Variants in BLOC1S5 observed in about 807,000 individuals in gnomAD.
BLOC1S5 encodes the protein biogenesis of lysosomal organelles complex 1 subunit 5.
Under a neutral mutation model 24.3 loss-of-function variants are expected in BLOC1S5, and 27 were observed. That is an observed-to-expected ratio of 1.11 (90% CI 0.82 to 1.53). The LOEUF is 1.53. Ranked by LOEUF, BLOC1S5 falls within the 40% of genes most tolerant of loss-of-function variation. The pLI is 0.00. For missense variants in BLOC1S5, 239 were observed against 229.4 expected, an observed-to-expected ratio of 1.04 and a Z score of -0.27; for synonymous variants, 84 against 74.5, an observed-to-expected ratio of 1.13 and a Z score of -0.66.
chr6:8,056,970 A>G (rs890923827), intron 2 of BLOC1S5, among the ~76,000 whole-genome samples: 1 of 152,174 alleles, frequency 6.6e-6, no homozygotes. Flanking sequence ...TAATCCCAGC[A>G]CTTTGGGAGG....
At position 8,022,647 on chromosome 6, in the gene BLOC1S5, G is replaced by C. The variant is rs1244882651; in HGVS notation, c.384+3720C>G. Among the ~76,000 whole-genome samples the C allele has an allele frequency of 3.7e-4, 49 of 131,450 alleles. 4 individuals carry two copies. The highest frequency in any genetic ancestry group is 1.5e-3 in the African/African-American group (46 of 30,168). 86.2% of individuals were successfully genotyped at this position (131,450 alleles called of 152,430 possible). A position where few individuals can be genotyped will look rare whatever the true frequency, so the allele number is the denominator to read the frequency against. Reference sequence around the variant, plus strand: ...TCGCCCAGGCTGGAGTGCAGTGGCGGGATCTCGGCTCACTGCAAGCTCCGC... The same window carrying C: ...TCGCCCAGGCTGGAGTGCAGTGGCGCGATCTCGGCTCACTGCAAGCTCCGC... On this transcript the variant is annotated intron_variant, in intron 4 of 4. Coordinates refer to ENST00000397457, the MANE Select transcript of BLOC1S5 (RefSeq NM_201280.3).
At chr6:8,029,056 T>C (rs1485149729) in intron 3 of BLOC1S5, among the ~76,000 whole-genome samples, 1 of 152,146 alleles carries the variant, frequency 6.6e-6, no homozygotes, top group Admixed American at 6.5e-5. Flanking sequence ...CAGTTAACAA[T>C]GTTCTATTTT....
intron 3 of BLOC1S5, among the ~76,000 whole-genome samples, chr6:8,035,315 CTATTAAAA>C (rs1369934616): frequency 6.1e-5 from 9 of 148,752 alleles, no homozygotes; most frequent in Non-Finnish European, 1.3e-4. Flanking sequence ...CCCCAAAAGC[CTATTAAAA>C]TTTTCAAAAA....
chr6:8,038,479 T>TTTAA (rs56331411), intron 3 of BLOC1S5, among the ~76,000 whole-genome samples: 18,859 of 151,778 alleles, frequency 0.12, 1,449 homozygotes, highest in South Asian at 0.27. Flanking sequence ...TAAAATGGCT[T>TTTAA]TTAATTAATT....
intron 2 of BLOC1S5, among the ~76,000 whole-genome samples, chr6:8,044,961 G>A (rs1176671116): frequency 3.9e-5 from 6 of 152,190 alleles, no homozygotes; most frequent in East Asian, 1.9e-4. Context: ...AATCCAAGCC[G>A]GCTGCAGAAA....
chr6:8,062,586 TC>T lies in BLOC1S5; in HGVS notation c.142del (p.Asp48IlefsTer14). ...TTCACCTTGAATAACTGGTCTGTGA[TC>T]CAAAAGCCTTGAATGAATTTCTCCA... The part of the protein sequence containing the change: ...DLGEIHSRLL[D>X]HRPVIQGETR... On this transcript the variant is annotated frameshift_variant, in exon 2 of 5. Coordinates refer to ENST00000397457, the MANE Select transcript of BLOC1S5 (RefSeq NM_201280.3). LOFTEE classifies it high-confidence loss of function. 6.2e-7 allele frequency: 1 copy of T among 1,603,742 alleles called. No individual in the cohort carries two copies. Among genetic ancestry groups the T allele is most frequent in the Non-Finnish European group, 8.5e-7 (1 of 1,173,774 alleles).
At chr6:8,028,987 T>G (rs562265439) in intron 3 of BLOC1S5, among the ~76,000 whole-genome samples, 1 of 152,304 alleles carries the variant, frequency 6.6e-6, no homozygotes, top group Admixed American at 6.5e-5. Flanking sequence ...GTCAAGAATT[T>G]ATCAAGTGCT....
chr6:8,055,152 C>T (rs1179237436), intron 2 of BLOC1S5, among the ~76,000 whole-genome samples: 1 of 152,212 alleles, frequency 6.6e-6, no homozygotes, highest in Non-Finnish European at 1.5e-5. Context: ...CTAGGTTAGG[C>T]TGGGCATGGT....
intron 4 of BLOC1S5, among the ~76,000 whole-genome samples, chr6:8,020,655 G>GT (rs745404985): frequency 2.0e-5 from 3 of 152,200 alleles, no homozygotes; most frequent in Non-Finnish European, 2.9e-5. Context: ...TTGTACCCAT[G>GT]TAGGGGAAGC....
At chr6:8,021,658 TG>T (rs1762920564) in intron 4 of BLOC1S5, among the ~76,000 whole-genome samples, 2 of 141,038 alleles carry the variant, frequency 1.4e-5, no homozygotes, top group South Asian at 4.4e-4. Context: ...ATGGTGGTGA[TG>T]GTTGAACAAC....
chr6:8,063,521 T>C (rs934945929), intron 1 of BLOC1S5, among the ~76,000 whole-genome samples: 1 of 152,218 alleles, frequency 6.6e-6, no homozygotes, highest in African/African-American at 2.4e-5. Flanking sequence ...AGACATACGA[T>C]GGGCAGGTTT....
At chr6:8,028,021 C>T (rs1763167876) in intron 3 of BLOC1S5, among the ~76,000 whole-genome samples, 1 of 152,102 alleles carries the variant, frequency 6.6e-6, no homozygotes, top group Non-Finnish European at 1.5e-5. Context: ...AGGATTTTCC[C>T]TATTTGAAAT....
At chr6:8,021,114 C>T (rs1355119564) in intron 4 of BLOC1S5, among the ~76,000 whole-genome samples, 3 of 152,230 alleles carry the variant, frequency 2.0e-5, no homozygotes, top group East Asian at 3.9e-4. Flanking sequence ...GGACGAATCT[C>T]GATGACATTA....
chr6:8,037,364 C>T (rs114381906), intron 3 of BLOC1S5, among the ~76,000 whole-genome samples: 5,944 of 152,116 alleles, frequency 0.039, 368 homozygotes, highest in African/African-American at 0.13. Flanking sequence ...AAGAAAGCAA[C>T]CCTATTTACA....
At chr6:8,018,302 A>C (rs955253776) in intron 4 of BLOC1S5, among the ~76,000 whole-genome samples, 12 of 152,270 alleles carry the variant, frequency 7.9e-5, no homozygotes, top group African/African-American at 2.9e-4. Flanking sequence ...GAAAAGCCAC[A>C]GTCAGACTAG....
chr6:8,058,625 G>T (rs1764406773), intron 2 of BLOC1S5, among the ~76,000 whole-genome samples: 2 of 152,140 alleles, frequency 1.3e-5, no homozygotes, highest in African/African-American at 2.4e-5. Flanking sequence ...AGCAGGTTGA[G>T]GCTGCAGTAA....
At chr6:8,040,979 A>G (rs1282184179) in intron 3 of BLOC1S5, among the ~76,000 whole-genome samples, 160 bp downstream of exon 3, 2 of 152,174 alleles carry the variant, frequency 1.3e-5, no homozygotes, top group Non-Finnish European at 2.9e-5. Context: ...CTGTTTGGAG[A>G]TTAATTAATG....
intron 2 of BLOC1S5, among the ~76,000 whole-genome samples, chr6:8,049,848 G>A (rs1561868158): frequency 6.6e-6 from 1 of 151,822 alleles, no homozygotes; most frequent in Non-Finnish European, 1.5e-5. Flanking sequence ...GTAGCTGAGA[G>A]AACAGGCACA....
intron 2 of BLOC1S5, among the ~76,000 whole-genome samples, chr6:8,046,956 A>G (rs541111516): frequency 5.1e-4 from 78 of 151,532 alleles, no homozygotes; most frequent in African/African-American, 1.8e-3. Flanking sequence ...TCTTTTTTAA[A>G]AATTTTTTGT....
Sources: gnomAD v4.1 joint callset for allele counts (sites outside exome capture counted in the v4.1 genomes callset) on GRCh38, gnomAD v4.1.1 for gene constraint, MANE v1.5 for transcripts, NCBI Gene and HGNC (gene_info 2026-07-23, HGNC 2026-07-21) for gene names.